FBXO40: variants seen among roughly 807,000 people sequenced by gnomAD.
FBXO40 encodes F-box only protein 40.
A neutral mutation model predicts 49.9 loss-of-function variants in FBXO40; 50 were observed. The ratio of observed to expected loss-of-function variants is 1.00; its 90% CI spans 0.80 to 1.27. The LOEUF (loss-of-function observed/expected upper bound fraction) is 1.27. Ranked by LOEUF, FBXO40 falls within the 50% of genes most tolerant of loss-of-function variation. The probability of loss-of-function intolerance (pLI) is 0.00; values close to 1 mark genes in which losing one functional copy is unlikely to be tolerated. For synonymous variants in FBXO40, 340 were observed against 320.2 expected, an observed-to-expected ratio of 1.06 and a Z score of -0.66; for missense variants, 895 against 870.1, an observed-to-expected ratio of 1.03 and a Z score of -0.36.
At chr3:121,624,505 C>T (rs2049051581) in intron 3 of FBXO40, among the ~76,000 whole-genome samples, 1 of 152,162 alleles carries the variant, frequency 6.6e-6, no homozygotes, top group Admixed American at 6.5e-5. Flanking sequence ...CCTGTCTGTC[C>T]CCCAGGAGGC....
intron 3 of FBXO40, among the ~76,000 whole-genome samples, chr3:121,623,854 A>C (rs1289161745): frequency 6.6e-6 from 1 of 150,966 alleles, no homozygotes. Flanking sequence ...ACACCCAGCT[A>C]ATTTTGTATT....
chr3:121,597,974 C>A (rs2048881458), intron 1 of FBXO40, among the ~76,000 whole-genome samples: 1 of 152,122 alleles, frequency 6.6e-6, no homozygotes, highest in Non-Finnish European at 1.5e-5. Context: ...ATAAGTCCTA[C>A]TTTTGAATTA....
chr3:121,619,484 T>C (rs1257741134), intron 1 of FBXO40, among the ~76,000 whole-genome samples: 1 of 152,222 alleles, frequency 6.6e-6, no homozygotes, highest in Non-Finnish European at 1.5e-5. Context: ...ATAGTGTTGT[T>C]TTAAATTAAG....
In FBXO40 at chr3:121,622,071, G is replaced by C; in HGVS notation, c.642G>C (p.Lys214Asn). 1 of 1,614,212 alleles carries C rather than the reference G, an allele frequency of 6.2e-7. No homozygotes were observed. The highest frequency in any genetic ancestry group is 8.5e-7 in the Non-Finnish European group (1 of 1,180,046). Reference protein sequence around the residue: ...AKTKEGMDLVKFGQWENIFSK... With the variant: ...AKTKEGMDLVNFGQWENIFSK... ...CCAAAGAAGGGATGGACCTGGTCAAGTTTGGCCAGTGGGAAAATATTTTCA... is the reference window on the plus strand; with the variant it reads ...CCAAAGAAGGGATGGACCTGGTCAACTTTGGCCAGTGGGAAAATATTTTCA... Residue 214 changes from lysine to asparagine, a missense_variant, in exon 3 of 4, where the codon AAG (lysine) becomes AAC (asparagine). By Grantham distance (94) the Lys-to-Asn change is moderately conservative (BLOSUM62 0). Coordinates refer to ENST00000338040, the MANE Select transcript of FBXO40 (RefSeq NM_016298.4).
At chr3:121,613,733 A>G (rs186975477) in intron 1 of FBXO40, among the ~76,000 whole-genome samples, 184 of 152,344 alleles carry the variant, frequency 1.2e-3, no homozygotes, top group African/African-American at 4.2e-3. Context: ...CATCTCTTCC[A>G]ATAATTAAGG....
At chr3:121,624,790 T>A (rs942558224) in intron 3 of FBXO40, among the ~76,000 whole-genome samples, 7 of 152,102 alleles carry the variant, frequency 4.6e-5, no homozygotes, top group African/African-American at 1.7e-4. Flanking sequence ...GCCCAGGGCA[T>A]AACTCTCTAG....
At position 121,623,013 on chromosome 3, in the gene FBXO40, AG is replaced by A; in HGVS notation, c.1587del (p.Gln530LysfsTer5). The A allele has an allele frequency of 6.2e-7, 1 of 1,614,216 alleles. No homozygotes were observed. Among genetic ancestry groups the A allele is most frequent in the Non-Finnish European group, 8.5e-7 (1 of 1,180,044 alleles). On this transcript the variant is annotated frameshift_variant, in exon 3 of 4. Coordinates refer to ENST00000338040, the MANE Select transcript of FBXO40 (RefSeq NM_016298.4). LOFTEE classifies it high-confidence loss of function. ...TTGTTCAAAACCATTTCCGTCCCCC[AG>A]GGCAAAAGGCAAAAGTAATCTATAG... Reference protein sequence around the residue: ...TFVQNHFRPPGQKAKVIYSQE... With the variant: ...TFVQNHFRPPXQKAKVIYSQE...
chr3:121,601,489 A>G (rs2048901234), intron 1 of FBXO40, among the ~76,000 whole-genome samples: 1 of 152,252 alleles, frequency 6.6e-6, no homozygotes, highest in African/African-American at 2.4e-5. Flanking sequence ...ATAAGGCTGC[A>G]CAACAAATGT....
At chr3:121,594,322 T>G (rs1413505286) in intron 1 of FBXO40, among the ~76,000 whole-genome samples, 4 of 152,124 alleles carry the variant, frequency 2.6e-5, no homozygotes, top group Non-Finnish European at 4.4e-5. Context: ...TGCTTCAGCC[T>G]CCTGAGTAGC....
In FBXO40 at chr3:121,628,762, T is replaced by C. The variant is rs991362192; in HGVS notation, c.*1852T>C. On this transcript the variant is annotated 3_prime_UTR_variant, in exon 4 of 4. Coordinates refer to ENST00000338040, the MANE Select transcript of FBXO40 (RefSeq NM_016298.4). ...AGCTCTTTATTTATGAAATAGGTTT[T>C]AGACATGTGGTGATTTTAAGTTGGG... The C allele has an allele frequency of 7.2e-5, 11 of 152,222 alleles. No individual in the cohort carries two copies. The highest frequency in any genetic ancestry group is 8.8e-5 in the Non-Finnish European group (6 of 68,046). The allele number at this position is 152,222 out of a possible 1,614,324, so 9.4% of individuals were successfully genotyped here.
Position 121,626,812 on chromosome 3 carries a change from C to T in FBXO40, c.2032C>T (p.Pro678Ser). 6.2e-7 allele frequency: 1 copy of T among 1,614,136 alleles called. No homozygotes were observed. The highest frequency in any genetic ancestry group is 8.5e-7 in the Non-Finnish European group (1 of 1,180,032). Residue 678 changes from proline (P) to serine (S), a missense_variant, in exon 4 of 4, where the codon CCG (proline) becomes TCG (serine). Pro to Ser is a moderately conservative substitution (Grantham distance 74). Coordinates refer to ENST00000338040, the MANE Select transcript of FBXO40 (RefSeq NM_016298.4). ...CAACATTGTAGAGCACAAAACTGACCCGATTCTTTTGACTAGCATGTGTCA... is the reference window on the plus strand; with the variant it reads ...CAACATTGTAGAGCACAAAACTGACTCGATTCTTTTGACTAGCATGTGTCA... The part of the protein sequence containing the change: ...PFNIVEHKTD[P>S]ILLTSMCQPR...
At chr3:121,605,345 A>G (rs911939571) in intron 1 of FBXO40, among the ~76,000 whole-genome samples, 5 of 152,246 alleles carry the variant, frequency 3.3e-5, no homozygotes, top group Non-Finnish European at 5.9e-5. Context: ...TTGGTGCCAC[A>G]TATCCAATGA....
In FBXO40 at chr3:121,616,298, C is replaced by T. The variant is rs554299861; in HGVS notation, c.-30-4248C>T. Among the ~76,000 whole-genome samples the T allele has an allele frequency of 6.0e-4, 92 of 152,170 alleles. 1 individual carries two copies. Among genetic ancestry groups the T allele is most frequent in the African/African-American group, 2.1e-3 (88 of 41,510 alleles). On this transcript the variant is annotated intron_variant, in intron 1 of 3. Coordinates refer to ENST00000338040, the MANE Select transcript of FBXO40 (RefSeq NM_016298.4). ...ACAAGGGTTCTCATTTATTAATGTGCATAAGAATCAGATGGGGAGTGTGTT... is the reference window on the plus strand; with the variant it reads ...ACAAGGGTTCTCATTTATTAATGTGTATAAGAATCAGATGGGGAGTGTGTT...
intron 1 of FBXO40, among the ~76,000 whole-genome samples, chr3:121,600,879 A>G (rs2048898082): frequency 6.6e-6 from 1 of 152,232 alleles, no homozygotes; most frequent in Admixed American, 6.5e-5. Flanking sequence ...TCAATCTAGG[A>G]AAGTCACACA....
chr3:121,599,674 G>GCA (rs757324448), intron 1 of FBXO40, among the ~76,000 whole-genome samples: 2,840 of 99,414 alleles, frequency 0.029, 56 homozygotes, highest in Middle Eastern at 0.032. Context: ...ACACACACAT[G>GCA]CACACACACA....
chr3:121,605,698 A>G (rs1234250931), intron 1 of FBXO40, among the ~76,000 whole-genome samples: 2 of 152,336 alleles, frequency 1.3e-5, no homozygotes, highest in East Asian at 3.9e-4. Flanking sequence ...CTGTGGTCTC[A>G]TTTACTGAGA....
In FBXO40 at chr3:121,628,146, T is replaced by A. The variant is rs1348531623; in HGVS notation, c.*1236T>A. 5.2e-6 allele frequency: 2 copies of A among 387,412 alleles called. No homozygotes were observed. Among genetic ancestry groups the A allele is most frequent in the Non-Finnish European group, 9.1e-6 (2 of 219,916 alleles). The allele number at this position is 387,412 out of a possible 1,614,324, so 24.0% of individuals were successfully genotyped here. A position where few individuals can be genotyped will look rare whatever the true frequency, so the allele number is the denominator to read the frequency against. ...GCAGGGCTTCTTAGCCTTGGAACTA[T>A]TGACATTTTTAAATGGATAATTCTT... On this transcript the variant is annotated 3_prime_UTR_variant, in exon 4 of 4. Coordinates refer to ENST00000338040, the MANE Select transcript of FBXO40 (RefSeq NM_016298.4).
At chr3:121,595,132 T>C (rs1389791801) in intron 1 of FBXO40, among the ~76,000 whole-genome samples, 3 of 152,204 alleles carry the variant, frequency 2.0e-5, no homozygotes, top group Admixed American at 2.0e-4. Flanking sequence ...AAACTAACTA[T>C]TCAGATACCT....
chr3:121,617,392 G>A (rs965661043), intron 1 of FBXO40, among the ~76,000 whole-genome samples: 2 of 150,668 alleles, frequency 1.3e-5, no homozygotes, highest in African/African-American at 4.9e-5. Flanking sequence ...TTAAGAGATC[G>A]AGACCATCCT....
Sources: gnomAD v4.1 joint callset for allele counts (sites outside exome capture counted in the v4.1 genomes callset) on GRCh38, gnomAD v4.1.1 for gene constraint, MANE v1.5 for transcripts, NCBI Gene and HGNC (gene_info 2026-07-23, HGNC 2026-07-21) for gene names.